The following KDM3A variants were observed in gnomAD, a reference collection of about 807,000 sequenced individuals.
KDM3A encodes the protein lysine demethylase 3A.
Under a neutral mutation model 158.0 loss-of-function variants are expected in KDM3A, and 60 were observed. That is an observed-to-expected ratio of 0.38 (90% CI 0.31 to 0.47). KDM3A has a LOEUF of 0.47. KDM3A is among the 20% of genes least tolerant of loss of function. The probability of loss-of-function intolerance (pLI) is 0.99; values close to 1 mark genes in which losing one functional copy is unlikely to be tolerated. For missense variants in KDM3A, 1,319 were observed against 1,574.3 expected, an observed-to-expected ratio of 0.84 and a Z score of 2.74; for synonymous variants, 608 against 549.3, an observed-to-expected ratio of 1.11 and a Z score of -1.49.
chr2:86,463,801 G>T (rs887773541), intron 8 of KDM3A, among the ~76,000 whole-genome samples: 3 of 152,216 alleles, frequency 2.0e-5, no homozygotes, highest in African/African-American at 4.8e-5. Context: ...CAGTGGTTCA[G>T]AGGTCTGAAA....
chr2:86,457,345 G>C (rs991972753), intron 8 of KDM3A, among the ~76,000 whole-genome samples: 1 of 152,024 alleles, frequency 6.6e-6, no homozygotes, highest in African/African-American at 2.4e-5. Context: ...ATGTTGACCA[G>C]ACTGGTCTTG....
At chr2:86,489,187 T>C in intron 21 of KDM3A, 131 bp from the exon 22 acceptor site, 2 of 1,086,980 alleles carry the variant, frequency 1.8e-6, no homozygotes, top group Admixed American at 2.6e-5. Flanking sequence ...TTTTTTGCAA[T>C]AATTTGATCC....
Position 86,449,956 on chromosome 2 carries a change from T to A in KDM3A, c.336T>A (p.Pro112=). 1 of 1,608,630 alleles carries A rather than the reference T, an allele frequency of 6.2e-7. No individual in the cohort carries two copies. Among genetic ancestry groups the A allele is most frequent in the South Asian group, 1.1e-5 (1 of 90,142 alleles). Residue 112 remains proline (P), a synonymous_variant, in exon 3 of 26, where the codon CCT becomes CCA. Coordinates refer to ENST00000312912, the MANE Select transcript of KDM3A (RefSeq NM_018433.6). ...PEISERIVQW[P]AITYKPLLDK... is the part of the protein sequence containing the mutation. The stretch of plus-strand genomic sequence containing the variant: ...TTTCTGAACGAATTGTACAGTGGCC[T>A]GCAATAGTGAGTAAAACTTGGGCTT...
At chr2:86,467,655 G>A (rs1250773199) in intron 10 of KDM3A, among the ~76,000 whole-genome samples, 2 of 152,140 alleles carry the variant, frequency 1.3e-5, no homozygotes, top group Admixed American at 6.6e-5. Flanking sequence ...CATGTCAAAA[G>A]GTTTAGAGCT....
Position 86,464,093 on chromosome 2 carries a change from C to G in KDM3A, c.884C>G (p.Thr295Arg), listed in dbSNP as rs1319648202. 1.2e-6 allele frequency: 2 copies of G among 1,612,258 alleles called. No homozygotes were observed. Among genetic ancestry groups the G allele is most frequent in the African/African-American group, 1.3e-5 (1 of 74,812 alleles). Residue 295 changes from threonine (T) to arginine (R), a missense_variant, in exon 9 of 26, where the codon ACA (threonine) becomes AGA (arginine). Thr to Arg is a moderately conservative substitution (Grantham distance 71, BLOSUM62 -1). Coordinates refer to ENST00000312912, the MANE Select transcript of KDM3A (RefSeq NM_018433.6). ...TGTCCTGTGCAGTCTGTACCTACAA[C>G]AGTTTTTAAGGAGATACTGCTTGGC... ...SMCPVQSVPT[T>R]VFKEILLGCT...
At chr2:86,465,764 T>C (rs1186489949) in intron 9 of KDM3A, among the ~76,000 whole-genome samples, 1 of 152,064 alleles carries the variant, frequency 6.6e-6, no homozygotes, top group Non-Finnish European at 1.5e-5. Context: ...ATTTCTAACA[T>C]TTTTTATATA....
Position 86,444,138 on chromosome 2 carries a change from CT to C in KDM3A, c.186+1908del, listed in dbSNP as rs1447728415. Reference sequence around the variant, plus strand: ...TAAATCTCCTCCCTCCGCCCCCATCCTTTGAGGAGGTGGTGATATCTTCATT... The same window carrying C: ...TAAATCTCCTCCCTCCGCCCCCATCCTTGAGGAGGTGGTGATATCTTCATT... On this transcript the variant is annotated intron_variant, in intron 2 of 25. Coordinates refer to ENST00000312912, the MANE Select transcript of KDM3A (RefSeq NM_018433.6). Among the ~76,000 whole-genome samples the C allele has an allele frequency of 7.2e-5, 11 of 152,256 alleles. No homozygotes were observed. In the South Asian group the frequency reaches 2.1e-3, roughly 29 times the overall value.
intron 3 of KDM3A, 124 bp downstream of exon 3, chr2:86,450,086 CT>C: frequency 2.0e-6 from 2 of 1,011,008 alleles, no homozygotes; most frequent in Non-Finnish European, 2.9e-6. Flanking sequence ...CCTGCCAGCC[CT>C]TTTAAGAACT....
intron 21 of KDM3A, among the ~76,000 whole-genome samples, chr2:86,486,388 T>A (rs905317050): frequency 2.6e-5 from 4 of 152,216 alleles, no homozygotes; most frequent in African/African-American, 9.6e-5. Context: ...GGGATAAAGA[T>A]TGGTTTCTCC....
At chr2:86,485,981 C>A in intron 21 of KDM3A, 122 bp downstream of exon 21, 2 of 1,002,272 alleles carry the variant, frequency 2.0e-6, no homozygotes, top group Non-Finnish European at 2.9e-6. Flanking sequence ...ACAGCCACAG[C>A]TTTCATTTTT....
intron 9 of KDM3A, among the ~76,000 whole-genome samples, chr2:86,465,090 G>A (rs1440915023): frequency 1.3e-5 from 2 of 152,166 alleles, no homozygotes; most frequent in East Asian, 1.9e-4. Flanking sequence ...TCTTCTCCAG[G>A]GTGAAGTCCT....
chr2:86,472,004 G>T (rs966813485), intron 11 of KDM3A, among the ~76,000 whole-genome samples: 5 of 152,104 alleles, frequency 3.3e-5, no homozygotes, highest in African/African-American at 9.7e-5. Context: ...GCTTTGTACA[G>T]GTCTTTGTGT....
At position 86,491,151 on chromosome 2, in the gene KDM3A, T is replaced by C; in HGVS notation, c.3761T>C (p.Leu1254Ser). ...PAGAPHQVHN[L>S]YSCIKVAEDF... Reference sequence around the variant, plus strand: ...CTTGGTGTTTTTCAGGTTCATAACTTATATAGCTGCATCAAAGTGGCTGAA... The same window carrying C: ...CTTGGTGTTTTTCAGGTTCATAACTCATATAGCTGCATCAAAGTGGCTGAA... The change falls in exon 25 of 26, where the codon TTA becomes TCA. Residue 1254 changes from leucine to serine, a missense_variant. This residue lies in a region of KDM3A where 186 missense variants were observed against 340.9 expected (regional missense o/e 0.55). Coordinates refer to ENST00000312912, the MANE Select transcript of KDM3A (RefSeq NM_018433.6). 1 of 1,614,022 alleles carries C rather than the reference T, an allele frequency of 6.2e-7. No individual in the cohort carries two copies. The highest frequency in any genetic ancestry group is 8.5e-7 in the Non-Finnish European group (1 of 1,179,910).
intron 2 of KDM3A, among the ~76,000 whole-genome samples, chr2:86,444,345 T>A (rs1392157213): frequency 1.3e-5 from 2 of 152,210 alleles, no homozygotes; most frequent in African/African-American, 4.8e-5. Context: ...GATTTTTGCC[T>A]TACTTGTACA....
chr2:86,441,491 G>A (rs1682700406), intron 1 of KDM3A, 47 bp downstream of exon 1: 2 of 151,922 alleles, frequency 1.3e-5, no homozygotes, highest in South Asian at 4.1e-4. Flanking sequence ...AGAGAAAGGT[G>A]AAAGCGCCGA....
intron 17 of KDM3A, 46 bp from the exon 18 acceptor site, chr2:86,482,412 G>GT (rs1161005979): frequency 6.3e-7 from 1 of 1,595,058 alleles, no homozygotes; most frequent in Admixed American, 1.8e-5. Flanking sequence ...TTTCTTGATG[G>GT]TAAGGGAATG....
In KDM3A at chr2:86,479,848, T is replaced by A. The variant is rs938272927; in HGVS notation, c.2317-319T>A. The A allele has an allele frequency of 2.4e-5, 6 of 251,900 alleles. No homozygotes were observed. In the Admixed American group the frequency reaches 3.3e-4, roughly 14 times the overall value. The allele number at this position is 251,900 out of a possible 1,614,324, so 15.6% of individuals were successfully genotyped here. On this transcript the variant is annotated intron_variant, in intron 15 of 25. Coordinates refer to ENST00000312912, the MANE Select transcript of KDM3A (RefSeq NM_018433.6). ...TATCCTGAATTCTGGGATGAGTTCA[T>A]AGGGGAGACAGGCACAAACTGGTCA...
At chr2:86,482,379 C>G in intron 17 of KDM3A, 79 bp from the exon 18 acceptor site, 1 of 1,563,148 alleles carries the variant, frequency 6.4e-7, no homozygotes, top group Non-Finnish European at 8.6e-7. Context: ...GATATGTAAT[C>G]TATACTCATT....
At chr2:86,464,594 G>A (rs1045317966) in intron 9 of KDM3A, among the ~76,000 whole-genome samples, 15 of 152,160 alleles carry the variant, frequency 9.9e-5, no homozygotes, top group Non-Finnish European at 2.1e-4. Flanking sequence ...CCGCAGCCTC[G>A]ACATGAATTG....
Sources: gnomAD v4.1 joint callset for allele counts (sites outside exome capture counted in the v4.1 genomes callset) on GRCh38, gnomAD v4.1.1 for gene constraint, gnomAD v4.1.1 regional missense constraint, MANE v1.5 for transcripts, NCBI Gene and HGNC (gene_info 2026-07-23, HGNC 2026-07-21) for gene names.